KCNG3: variants seen among roughly 807,000 people sequenced by gnomAD.
KCNG3 encodes voltage-gated potassium channel regulatory subunit KCNG3.
A neutral mutation model predicts 29.0 loss-of-function variants in KCNG3; 15 were observed. The ratio of observed to expected loss-of-function variants is 0.52; its 90% CI spans 0.35 to 0.80. The LOEUF (loss-of-function observed/expected upper bound fraction) is 0.80. KCNG3 is among the 30% of genes least tolerant of loss of function. The pLI is 0.01. For missense variants in KCNG3, 512 were observed against 605.7 expected (o/e 0.85, Z 1.62); for synonymous variants, 322 against 248.9 (o/e 1.29, Z -2.76).
rs1302670718 is a variant in KCNG3, at chr2:42,493,158, C to T, written c.344G>A (p.Arg115His). The T allele has an allele frequency of 6.2e-7, 1 of 1,606,500 alleles. No homozygotes were observed. Among genetic ancestry groups the T allele is most frequent in the Non-Finnish European group, 8.5e-7 (1 of 1,179,284 alleles). ...GAHLEYCCQR[R>H]LDDRMSDTYT... ...GGTGTCGGACATGCGGTCGTCGAGG[C>T]GGCGCTGGCAGCAGTACTCGAGGTG... The change falls in exon 1 of 2, where the codon CGC (arginine) becomes CAC (histidine). Residue 115 changes from arginine (R) to histidine (H), a missense_variant. Coordinates refer to ENST00000306078, the MANE Select transcript of KCNG3 (RefSeq NM_133329.6).
At chr2:42,414,057 T>A in the KCNG3 span, among the ~76,000 whole-genome samples, 1 of 152,244 alleles carries the variant, frequency 6.6e-6, no homozygotes. Context: ...TGGCCTAGAA[T>A]GTAATTATCA....
chr2:42,444,592 C>G lies in KCNG3; in HGVS notation c.666-13G>C, dbSNP rs1044698198. 2.5e-6 allele frequency: 4 copies of G among 1,584,850 alleles called. No homozygotes were observed. The highest frequency in any genetic ancestry group is 3.4e-6 in the Non-Finnish European group (4 of 1,165,742). ...AGCTTCAATTATCCTGTCAAGAGAA[C>G]AAAAGAAGAATTGATCATTTTATTT... is the stretch of plus-strand genomic sequence containing the variant. On this transcript the variant is annotated splice_polypyrimidine_tract_variant and intron_variant, in intron 1 of 1. Coordinates refer to ENST00000306078, the MANE Select transcript of KCNG3 (RefSeq NM_133329.6). This position sits in a 1 kb window ranked among gnomAD's most constrained non-coding sequence, Gnocchi z 5.8.
the KCNG3 span, among the ~76,000 whole-genome samples, chr2:42,432,525 T>C: frequency 6.6e-6 from 1 of 152,224 alleles, no homozygotes; most frequent in Non-Finnish European, 1.5e-5. Context: ...AGGCACCTTG[T>C]ATCTACAACC....
chr2:42,482,349 C>T (rs562317872), intron 1 of KCNG3, among the ~76,000 whole-genome samples: 1 of 151,512 alleles, frequency 6.6e-6, no homozygotes, highest in East Asian at 2.0e-4. Flanking sequence ...GAGGCCAAGG[C>T]AGGAGAATTG....
intron 1 of KCNG3, among the ~76,000 whole-genome samples, chr2:42,459,210 A>G (rs1232654614): frequency 6.6e-6 from 1 of 151,528 alleles, no homozygotes; most frequent in East Asian, 1.9e-4. Flanking sequence ...AAAAAAAAAA[A>G]AAAATAGAGA....
intron 1 of KCNG3, chr2:42,463,325 T>C (rs1385401214): frequency 8.7e-5 from 5 of 57,644 alleles, no homozygotes; most frequent in Non-Finnish European, 1.7e-4. Flanking sequence ...ACTTGCCTGC[T>C]GTAGTGAGTG....
At chr2:42,393,730 G>C in the KCNG3 span, among the ~76,000 whole-genome samples, 1 of 152,140 alleles carries the variant, frequency 6.6e-6, no homozygotes, top group Non-Finnish European at 1.5e-5. Flanking sequence ...CAGTCTAGAA[G>C]GAGGAGGAAA....
rs141832076 is a variant in KCNG3 at position 42,469,386 on chromosome 2, G to A, written c.665+23451C>T. Among the ~76,000 whole-genome samples, 906 of 148,248 alleles carry A rather than the reference G, an allele frequency of 6.1e-3. 12 individuals carry two copies. The highest frequency in any genetic ancestry group is 0.022 in the African/African-American group (869 of 39,846). On this transcript the variant is annotated intron_variant, in intron 1 of 1. Transcript: ENST00000306078. ...GAGCCAAGATCAGGCCATTGCACAC[G>A]AGCCCGGGTGACAGAGCAAGACTCT...
intron 1 of KCNG3, chr2:42,463,619 C>A (rs1238511938): frequency 5.7e-6 from 1 of 174,870 alleles, no homozygotes. Context: ...ATCCACGGTG[C>A]AACCCAGGTT....
the KCNG3 span, chr2:42,424,977 T>A: frequency 6.6e-6 from 1 of 152,124 alleles, no homozygotes; most frequent in Non-Finnish European, 1.5e-5. Flanking sequence ...TTTTCACAGT[T>A]AAGTCCATCG....
At chr2:42,433,094 G>C in the KCNG3 span, among the ~76,000 whole-genome samples, 1 of 152,074 alleles carries the variant, frequency 6.6e-6, no homozygotes, top group Admixed American at 6.6e-5. Flanking sequence ...CAGGAATAAG[G>C]CCAGGATGTC....
chr2:42,449,514 CTTTTTTT>C (rs36088470), intron 1 of KCNG3, among the ~76,000 whole-genome samples: 1,154 of 99,464 alleles, frequency 0.012, 15 homozygotes, highest in African/African-American at 0.034. Context: ...ACTGAGATTT[CTTTTTTT>C]TTTTTTTTTT....
the KCNG3 span, among the ~76,000 whole-genome samples, chr2:42,418,179 C>T: frequency 1.3e-5 from 2 of 152,060 alleles, no homozygotes; most frequent in African/African-American, 4.8e-5. Flanking sequence ...ACAATAATAA[C>T]TCCTCATAAG....
At chr2:42,402,100 A>C in the KCNG3 span, among the ~76,000 whole-genome samples, 1 of 152,202 alleles carries the variant, frequency 6.6e-6, no homozygotes, top group African/African-American at 2.4e-5. Flanking sequence ...GGCATCATCT[A>C]ATCTGCTGAG....
At chr2:42,407,161 T>G in the KCNG3 span, among the ~76,000 whole-genome samples, 1 of 151,642 alleles carries the variant, frequency 6.6e-6, no homozygotes, top group Non-Finnish European at 1.5e-5. Flanking sequence ...AATATCATTG[T>G]TTTTATCTGC....
the KCNG3 span, among the ~76,000 whole-genome samples, chr2:42,419,219 C>CTTTTTTTTTTTTTTTTTTTTTTTTTTT: frequency 1.8e-4 from 5 of 27,736 alleles, 2 homozygotes; most frequent in Non-Finnish European, 2.7e-4. Flanking sequence ...GATGGTATCT[C>CTTTTTTTTTTTTTTTTTTTTTTTTTTT]TTTTTTTTTT....
rs2103657764 is a variant in KCNG3 at position 42,442,654 on chromosome 2, G to T, written c.*1280C>A. ...TTTATGAATCTGTCACTAATTATTT[G>T]TGTTTATATATACACTAACTTCTTT... On this transcript the variant is annotated 3_prime_UTR_variant, in exon 2 of 2. Coordinates refer to ENST00000306078, the MANE Select transcript of KCNG3 (RefSeq NM_133329.6). The T allele has an allele frequency of 6.6e-6, 1 of 152,206 alleles. No homozygotes were observed. The highest frequency in any genetic ancestry group is 2.1e-4 in the South Asian group (1 of 4,828). The allele number at this position is 152,206 out of a possible 1,614,324, so 9.4% of individuals were successfully genotyped here. A position where few individuals can be genotyped will look rare whatever the true frequency, so the allele number is the denominator to read the frequency against.
downstream of KCNG3, among the ~76,000 whole-genome samples, chr2:42,440,597 A>G (rs982346266): frequency 2.6e-5 from 4 of 152,170 alleles, no homozygotes; most frequent in African/African-American, 9.6e-5. Context: ...TCCAGATCAC[A>G]GGACATCTGG....
chr2:42,456,597 T>C (rs2103682082), intron 1 of KCNG3, among the ~76,000 whole-genome samples: 1 of 152,102 alleles, frequency 6.6e-6, no homozygotes, highest in Admixed American at 6.6e-5. Flanking sequence ...ACAAAAGGAG[T>C]TCAGTTCAAG....
Sources: allele counts gnomAD v4.1 joint callset (sites outside exome capture counted in the v4.1 genomes callset), GRCh38; gene constraint gnomAD v4.1.1; non-coding constraint Gnocchi (gnomAD v3.1); transcripts MANE v1.5; gene names NCBI Gene and HGNC (gene_info 2026-07-23, HGNC 2026-07-21).